PTPRE: variants seen among roughly 807,000 people sequenced by gnomAD.
PTPRE encodes protein tyrosine phosphatase receptor type E.
Under a neutral mutation model 102.0 loss-of-function variants are expected in PTPRE, and 51 were observed. The ratio of observed to expected loss-of-function variants is 0.50; its 90% CI spans 0.40 to 0.63. PTPRE has a LOEUF of 0.63. Among genes scored for constraint, PTPRE ranks in the 30% least tolerant of loss-of-function variants. PTPRE has a pLI of 0.00. For synonymous variants in PTPRE, 345 were observed against 348.2 expected (o/e 0.99, Z 0.10); for missense variants, 752 against 915.1 (o/e 0.82, Z 2.30).
At chr10:127,940,798 T>C (rs1589787498) in intron 1 of PTPRE, among the ~76,000 whole-genome samples, 1 of 152,154 alleles carries the variant, frequency 6.6e-6, no homozygotes, top group East Asian at 1.9e-4. Flanking sequence ...CTTACACCAT[T>C]GCACCCAGCT....
chr10:127,914,350 C>T (rs969836499), intron 1 of PTPRE, among the ~76,000 whole-genome samples: 1 of 152,206 alleles, frequency 6.6e-6, no homozygotes, highest in African/African-American at 2.4e-5. Context: ...CAGACTGACA[C>T]ACACAGCACA....
chr10:128,066,093 T>C lies in PTPRE; in HGVS notation c.742T>C (p.Trp248Arg). The change falls in exon 11 of 21, where the codon TGG (tryptophan) becomes CGG (arginine). Residue 248 changes from tryptophan (W) to arginine (R), a missense_variant. Around this residue, in one of 2 missense-constraint regions of PTPRE, gnomAD observed 636 missense variants for 824.4 expected, o/e 0.77. Coordinates refer to ENST00000254667, the MANE Select transcript of PTPRE (RefSeq NM_006504.6). ...CGTGCAGGAAAAGTGCCATCAGTAC[T>C]GGCCCGACCAAGGCTGCTGGACCTA... The part of the protein sequence containing the change: ...ERKEEKCHQY[W>R]PDQGCWTYGN... The C allele has an allele frequency of 3.1e-6, 5 of 1,614,200 alleles. No individual in the cohort carries two copies. The highest frequency in any genetic ancestry group is 4.2e-6 in the Non-Finnish European group (5 of 1,180,038).
At chr10:128,042,224 G>A (rs11016032) in intron 3 of PTPRE, among the ~76,000 whole-genome samples, 17,837 of 152,174 alleles carry the variant, frequency 0.12, 1,228 homozygotes, top group African/African-American at 0.19. Context: ...CTGCCCGGAT[G>A]TACCCTCACA....
chr10:128,078,728 A>G (rs1851442469), intron 19 of PTPRE, among the ~76,000 whole-genome samples: 1 of 152,354 alleles, frequency 6.6e-6, no homozygotes, highest in African/African-American at 2.4e-5. Context: ...CTTCCAAGAA[A>G]TCATTTAGGA....
chr10:128,067,524 G>A (rs1850361394), intron 11 of PTPRE, among the ~76,000 whole-genome samples: 1 of 151,238 alleles, frequency 6.6e-6, no homozygotes, highest in African/African-American at 2.4e-5. Context: ...GCGCACACAT[G>A]CACACATACA....
intron 2 of PTPRE, among the ~76,000 whole-genome samples, chr10:128,036,217 G>C (rs1283329140): frequency 2.0e-5 from 3 of 151,932 alleles, no homozygotes; most frequent in African/African-American, 4.8e-5. Context: ...CCCTAGTGCA[G>C]TGACTTCCTG....
intron 2 of PTPRE, among the ~76,000 whole-genome samples, chr10:128,014,805 A>C (rs929737829): frequency 7.2e-5 from 11 of 152,212 alleles, no homozygotes; most frequent in African/African-American, 2.6e-4. Context: ...TTGACGAGCC[A>C]CTATAAACCC....
intron 1 of PTPRE, among the ~76,000 whole-genome samples, chr10:127,910,805 C>T (rs766529754): frequency 1.2e-4 from 18 of 152,102 alleles, no homozygotes; most frequent in African/African-American, 1.2e-4. Context: ...AGTTTGAGGC[C>T]GGGTGCAATG....
chr10:127,924,177 G>C (rs1029749526), intron 1 of PTPRE, among the ~76,000 whole-genome samples: 1 of 152,186 alleles, frequency 6.6e-6, no homozygotes, highest in South Asian at 2.1e-4. Context: ...AGGGTGACAG[G>C]CATGACTGTT....
chr10:127,926,106 A>C (rs538649079), intron 1 of PTPRE, among the ~76,000 whole-genome samples: 1 of 152,312 alleles, frequency 6.6e-6, no homozygotes, highest in Admixed American at 6.5e-5. Context: ...TTCTTTCAAG[A>C]TTAGGAGTCT....
intron 1 of PTPRE, among the ~76,000 whole-genome samples, chr10:127,937,305 A>G (rs1589777174): frequency 6.6e-6 from 1 of 152,094 alleles, no homozygotes; most frequent in East Asian, 1.9e-4. Flanking sequence ...CCTCTCCAGT[A>G]CTCTGTACCA....
chr10:127,912,739 C>G (rs75935311), intron 1 of PTPRE, among the ~76,000 whole-genome samples: 5,349 of 152,318 alleles, frequency 0.035, 132 homozygotes, highest in Middle Eastern at 0.085. Flanking sequence ...AGGTACATGA[C>G]TCTGTCGTCA....
In PTPRE at chr10:128,085,178, A is replaced by G. The variant is rs1852003898; in HGVS notation, c.*2272A>G. The G allele has an allele frequency of 2.2e-6, 1 of 448,540 alleles. No homozygotes were observed. The highest frequency in any genetic ancestry group is 1.6e-5 in the South Asian group (1 of 63,776). 27.8% of individuals were successfully genotyped at this position (448,540 alleles called of 1,614,324 possible). The stretch of plus-strand genomic sequence containing the variant: ...AGGTCATTACAGCCTCATGGCCTCT[A>G]CCAAGGCCCCAGATCACAGGATCTC... On this transcript the variant is annotated 3_prime_UTR_variant, in exon 21 of 21. Transcript: ENST00000254667.
chr10:127,922,446 C>T (rs577399369), intron 1 of PTPRE, among the ~76,000 whole-genome samples: 9 of 152,298 alleles, frequency 5.9e-5, no homozygotes, highest in South Asian at 4.1e-4. Flanking sequence ...AGGGGGCCAT[C>T]GAGGGCCGCT....
intron 2 of PTPRE, among the ~76,000 whole-genome samples, chr10:128,002,834 C>T (rs192962250): frequency 3.3e-5 from 5 of 151,712 alleles, no homozygotes; most frequent in African/African-American, 9.7e-5. Context: ...GCTGGGACCA[C>T]AGGCGTGCAC....
intron 1 of PTPRE, among the ~76,000 whole-genome samples, chr10:127,969,599 C>T (rs568663711): frequency 6.8e-6 from 1 of 147,660 alleles, no homozygotes; most frequent in African/African-American, 2.5e-5. Context: ...ACTTGGGAGG[C>T]AGAGGTTGCA....
rs1235086234 is a variant in PTPRE at position 127,926,153 on chromosome 10, G to GT, written c.-31+18848dup. On this transcript the variant is annotated intron_variant, in intron 1 of 20. Coordinates refer to ENST00000254667, the MANE Select transcript of PTPRE (RefSeq NM_006504.6). The stretch of plus-strand genomic sequence containing the variant: ...TCAAGGCAGAGTAGCCAGTGTTTAA[G>GT]TTTTCCCTTTTGCTCACGGTGAGGA... Among the ~76,000 whole-genome samples the GT allele has an allele frequency of 3.3e-5, 5 of 152,166 alleles. No individual in the cohort carries two copies. The South Asian group carries it at 8.3e-4, about 25-fold the overall frequency.
At chr10:128,035,935 G>A (rs537585808) in intron 2 of PTPRE, among the ~76,000 whole-genome samples, 5 of 152,242 alleles carry the variant, frequency 3.3e-5, no homozygotes, top group Admixed American at 6.5e-5. Flanking sequence ...TGGTTGAGAC[G>A]TCCAAAACCC....
chr10:128,052,908 A>G (rs1046925651), intron 6 of PTPRE, among the ~76,000 whole-genome samples: 3 of 152,134 alleles, frequency 2.0e-5, no homozygotes, highest in Non-Finnish European at 4.4e-5. Flanking sequence ...CCTGCCCGAC[A>G]CTACCGAGCG....
Sources: gnomAD v4.1 joint callset for allele counts (sites outside exome capture counted in the v4.1 genomes callset) on GRCh38, gnomAD v4.1.1 for gene constraint, gnomAD v4.1.1 regional missense constraint, MANE v1.5 for transcripts, NCBI Gene and HGNC (gene_info 2026-07-23, HGNC 2026-07-21) for gene names.